Variants in SYNE1 observed in about 807,000 individuals in gnomAD.
The protein encoded by SYNE1 is nesprin-1.
In SYNE1, 616 loss-of-function variants were observed where a neutral mutation model predicts 1,111.0. The observed-to-expected ratio is 0.55, with a 90% CI of 0.52 to 0.59. The LOEUF is 0.59. Among genes scored for constraint, SYNE1 ranks in the 20% least tolerant of loss-of-function variants. The pLI is 0.00. For synonymous variants in SYNE1, 3,855 were observed against 3,825.8 expected (o/e 1.01, Z -0.28); for missense variants, 10,006 against 10,417.0 (o/e 0.96, Z 1.72).
At position 152,465,378 on chromosome 6, in the gene SYNE1, C is replaced by T. The variant is rs932302417; in HGVS notation, c.1812G>A (p.Val604=). Residue 604 remains valine (V), a synonymous_variant, in exon 18 of 146, where the codon GTG becomes GTA. Coordinates refer to ENST00000367255, the MANE Select transcript of SYNE1 (RefSeq NM_182961.4). The part of the protein sequence containing the change: ...WRNLSVEVRS[V]RSMLEEVISN... ...AGATCACTTCTTCCAGCATGCTCCT[C>T]ACACTCCTCACTTCTACTGAGAGAT... 1 of 1,613,884 alleles carries T rather than the reference C, an allele frequency of 6.2e-7. No homozygotes were observed. Among genetic ancestry groups the T allele is most frequent in the Non-Finnish European group, 8.5e-7 (1 of 1,179,852 alleles).
chr6:152,398,124 T>C (rs1274779837), intron 49 of SYNE1, among the ~76,000 whole-genome samples: 1 of 152,212 alleles, frequency 6.6e-6, no homozygotes, highest in Non-Finnish European at 1.5e-5. Flanking sequence ...AATCATTTCT[T>C]AACTCTACTT....
At position 152,180,218 on chromosome 6, in the gene SYNE1, C is replaced by T; in HGVS notation, c.23378G>A (p.Cys7793Tyr). Residue 7793 changes from cysteine (C) to tyrosine (Y), a missense_variant, in exon 129 of 146, where the codon TGT (cysteine) becomes TAT (tyrosine). By Grantham distance (194) the Cys-to-Tyr change is radical. Transcript: ENST00000367255. ...AVFSEKNKELCEWLTQMESKV... is the reference protein window; with the variant it reads ...AVFSEKNKELYEWLTQMESKV... Reference sequence around the variant, plus strand: ...GCTTTCCATTTGAGTCAACCACTCACAGAGTTCCTTGTTCTTTTCACTGAA... The same window carrying T: ...GCTTTCCATTTGAGTCAACCACTCATAGAGTTCCTTGTTCTTTTCACTGAA... 6.2e-7 allele frequency: 1 copy of T among 1,614,124 alleles called. No homozygotes were observed. Among genetic ancestry groups the T allele is most frequent in the South Asian group, 1.1e-5 (1 of 91,082 alleles).
chr6:152,174,789 A>C (rs1202743747), intron 130 of SYNE1, among the ~76,000 whole-genome samples: 1 of 152,250 alleles, frequency 6.6e-6, no homozygotes, highest in East Asian at 1.9e-4. Context: ...GCCACCTCAA[A>C]GGACATTATG....
At chr6:152,151,497 A>G (rs1586279430) in intron 135 of SYNE1, 56 bp downstream of exon 135, 4 of 1,609,054 alleles carry the variant, frequency 2.5e-6, no homozygotes, top group Non-Finnish European at 3.4e-6. Flanking sequence ...AAGAGCCACA[A>G]ATCCTTTCAT....
chr6:152,368,760 G>C (rs545445645), intron 61 of SYNE1: 1 of 608,712 alleles, frequency 1.6e-6, no homozygotes, highest in Non-Finnish European at 2.9e-6. Flanking sequence ...AACCTCCTTC[G>C]GCCTTTTCAG....
At chr6:152,462,929 T>C in intron 19 of SYNE1, 39 bp from the exon 20 acceptor site, 3 of 1,612,316 alleles carry the variant, frequency 1.9e-6, no homozygotes, top group Non-Finnish European at 2.5e-6. Context: ...GTGAAAGCCA[T>C]TTAGCTGCGA....
chr6:152,574,092 G>A (rs775126392), intron 3 of SYNE1, among the ~76,000 whole-genome samples: 4 of 149,490 alleles, frequency 2.7e-5, no homozygotes, highest in Non-Finnish European at 4.4e-5. Flanking sequence ...GCCTCATAAC[G>A]GGGTGAGAAT....
Position 152,279,125 on chromosome 6 carries a change from C to T in SYNE1, c.18382-845G>A, listed in dbSNP as rs2153712728. Reference sequence around the variant, plus strand: ...GGGTCCATAAAAAATTTGCCTGAGCCTCTCAATTTTTCTTTTCTTTTCTTT... The same window carrying T: ...GGGTCCATAAAAAATTTGCCTGAGCTTCTCAATTTTTCTTTTCTTTTCTTT... On this transcript the variant is annotated intron_variant, in intron 97 of 145. Coordinates refer to ENST00000367255, the MANE Select transcript of SYNE1 (RefSeq NM_182961.4). 4.1e-5 allele frequency among the ~76,000 whole-genome samples: 6 copies of T among 146,778 alleles called. 1 individual carries two copies. In the South Asian group the frequency reaches 1.3e-3, roughly 32 times the overall value.
At chr6:152,542,694 T>C (rs960768995) in intron 3 of SYNE1, among the ~76,000 whole-genome samples, 2 of 152,114 alleles carry the variant, frequency 1.3e-5, no homozygotes, top group Non-Finnish European at 2.9e-5. Flanking sequence ...AAGGGTAGCA[T>C]AAAAATTACC....
At chr6:152,461,346 C>T (rs992441723) in intron 21 of SYNE1, among the ~76,000 whole-genome samples, 3 of 152,062 alleles carry the variant, frequency 2.0e-5, no homozygotes, top group Admixed American at 2.0e-4. Flanking sequence ...GTAACCGTTC[C>T]CCAAAAGTAT....
At chr6:152,302,154 G>A (rs2095206298) in intron 91 of SYNE1, 91 bp from the exon 92 acceptor site, 3 of 1,559,080 alleles carry the variant, frequency 1.9e-6, no homozygotes, top group African/African-American at 1.4e-5. Flanking sequence ...GCGAGCCAAT[G>A]AGCGCGCAGA....
intron 126 of SYNE1, among the ~76,000 whole-genome samples, chr6:152,205,093 T>C (rs780179425): frequency 3.9e-5 from 6 of 152,008 alleles, no homozygotes; most frequent in Non-Finnish European, 7.4e-5. Context: ...CAATATATTA[T>C]TAAATAAAAT....
At chr6:152,480,855 T>C (rs2098889483) in intron 14 of SYNE1, 2 of 448,312 alleles carry the variant, frequency 4.5e-6, no homozygotes, top group Non-Finnish European at 8.9e-6. Context: ...CTCCTGCCCC[T>C]CTCTCTCTCC....
rs1198301670 is a variant in SYNE1, at chr6:152,336,954, T to C, written c.12415A>G (p.Lys4139Glu). The change falls in exon 76 of 146, where the codon AAG (lysine) becomes GAG (glutamate). Residue 4139 changes from lysine (K) to glutamate (E), a missense_variant. This residue lies in a region of SYNE1 where 4,955 missense variants were observed against 5,017.2 expected (regional missense o/e 0.99). Coordinates refer to ENST00000367255, the MANE Select transcript of SYNE1 (RefSeq NM_182961.4). Reference protein sequence around the residue: ...TQGWEEIKHLKSELWIYLQDA... With the variant: ...TQGWEEIKHLESELWIYLQDA... ...TGCAGGTAAATCCAGAGCTCAGACT[T>C]CAGGTGCTTGATCTCTTCCCAGCCC... 1 of 1,614,010 alleles carries C rather than the reference T, an allele frequency of 6.2e-7. No individual in the cohort carries two copies. Among genetic ancestry groups the C allele is most frequent in the Non-Finnish European group, 8.5e-7 (1 of 1,180,040 alleles).
chr6:152,633,193 C>G (rs932278871), intron 2 of SYNE1, among the ~76,000 whole-genome samples: 1 of 152,162 alleles, frequency 6.6e-6, no homozygotes, highest in African/African-American at 2.4e-5. Flanking sequence ...TGAAGCTAGG[C>G]ATTGGGATGG....
intron 2 of SYNE1, among the ~76,000 whole-genome samples, chr6:152,629,789 T>C (rs1385903571): frequency 6.6e-6 from 1 of 151,816 alleles, no homozygotes; most frequent in Non-Finnish European, 1.5e-5. Context: ...ATTGCATTTC[T>C]AGGTTATGAT....
At chr6:152,601,454 G>A (rs1294071320) in intron 3 of SYNE1, among the ~76,000 whole-genome samples, 1 of 152,144 alleles carries the variant, frequency 6.6e-6, no homozygotes, top group Non-Finnish European at 1.5e-5. Context: ...GAGATATCTG[G>A]TAGGGCAAAA....
At chr6:152,397,362 C>T (rs1172844597) in intron 49 of SYNE1, among the ~76,000 whole-genome samples, 1 of 152,184 alleles carries the variant, frequency 6.6e-6, no homozygotes, top group Non-Finnish European at 1.5e-5. Flanking sequence ...ATGCGAAATC[C>T]TCAGGCCCTT....
intron 91 of SYNE1, among the ~76,000 whole-genome samples, chr6:152,308,274 G>C (rs141562123): frequency 6.6e-6 from 1 of 152,190 alleles, no homozygotes; most frequent in African/African-American, 2.4e-5. Context: ...TACGAACAAC[G>C]TGTAGAGAGG....
Sources: gnomAD v4.1 joint callset for allele counts (sites outside exome capture counted in the v4.1 genomes callset) on GRCh38, gnomAD v4.1.1 for gene constraint, gnomAD v4.1.1 regional missense constraint, MANE v1.5 for transcripts, NCBI Gene and HGNC (gene_info 2026-07-23, HGNC 2026-07-21) for gene names.